Variants in SLC17A5 observed in about 807,000 individuals in gnomAD.
The protein encoded by SLC17A5 is sialin.
In SLC17A5, 47 loss-of-function variants were observed where a neutral mutation model predicts 59.4. The ratio of observed to expected loss-of-function variants is 0.79; its 90% CI spans 0.63 to 1.01. The LOEUF (loss-of-function observed/expected upper bound fraction) is 1.01, where lower values mean the gene tolerates loss of function less well. SLC17A5 is among the 50% of genes least tolerant of loss of function. The pLI is 0.00. For synonymous variants in SLC17A5, 202 were observed against 210.7 expected (o/e 0.96, Z 0.36); for missense variants, 522 against 595.5 (o/e 0.88, Z 1.28).
At chr6:73,605,819 A>C (rs9446936) in intron 9 of SLC17A5, among the ~76,000 whole-genome samples, 3,663 of 151,878 alleles carry the variant, frequency 0.024, 140 homozygotes, top group African/African-American at 0.083. Context: ...CTCTACTAAA[A>C]ATACAAAATT....
intron 1 of SLC17A5, among the ~76,000 whole-genome samples, chr6:73,650,464 C>T (rs1476903552): frequency 4.4e-5 from 6 of 136,324 alleles, no homozygotes; most frequent in African/African-American, 1.1e-4. Flanking sequence ...GCCGAGATAG[C>T]GCGACTGCAG....
At chr6:73,646,565 T>C (rs1769574800) in intron 1 of SLC17A5, among the ~76,000 whole-genome samples, 3 of 152,208 alleles carry the variant, frequency 2.0e-5, no homozygotes, top group Admixed American at 2.0e-4. Context: ...TCTCTATTAC[T>C]AGAATCTAGG....
intron 7 of SLC17A5, among the ~76,000 whole-genome samples, chr6:73,619,101 G>C (rs1418051036): frequency 6.6e-6 from 1 of 152,128 alleles, no homozygotes; most frequent in African/African-American, 2.4e-5. Flanking sequence ...GGAAAGAGAT[G>C]GGGTAGTGGC....
chr6:73,622,266 C>T (rs1407948056), intron 6 of SLC17A5, among the ~76,000 whole-genome samples: 1 of 151,706 alleles, frequency 6.6e-6, no homozygotes, highest in Non-Finnish European at 1.5e-5. Context: ...TCAGAAGTCA[C>T]CTGCAGCATT....
At chr6:73,647,000 C>G (rs139075529) in intron 1 of SLC17A5, among the ~76,000 whole-genome samples, 164 of 152,156 alleles carry the variant, frequency 1.1e-3, no homozygotes, top group Middle Eastern at 3.4e-3. Flanking sequence ...TATCATTGCT[C>G]TGTGTCAGGT....
At position 73,599,742 on chromosome 6, in the gene SLC17A5, G is replaced by A. The variant is rs988541529; in HGVS notation, c.1350+609C>T. Among the ~76,000 whole-genome samples the A allele has an allele frequency of 3.9e-5, 6 of 152,264 alleles. No individual in the cohort carries two copies. In the South Asian group the frequency reaches 8.3e-4, roughly 21 times the overall value. On this transcript the variant is annotated intron_variant, in intron 10 of 10. Coordinates refer to ENST00000355773, the MANE Select transcript of SLC17A5 (RefSeq NM_012434.5). ...AGAAGAAGTAGGAACACTATCTGTC[G>A]GATATATGTCTGAAATCAGTATATT...
At chr6:73,635,188 C>T (rs1349383337) in intron 6 of SLC17A5, 194 bp downstream of exon 6, 1 of 438,964 alleles carries the variant, frequency 2.3e-6, no homozygotes, top group African/African-American at 2.0e-5. Flanking sequence ...CCACCTAGAC[C>T]TCCCCAAAGG....
At chr6:73,639,731 G>T (rs1255866469) in intron 3 of SLC17A5, among the ~76,000 whole-genome samples, 1 of 152,204 alleles carries the variant, frequency 6.6e-6, no homozygotes, top group Admixed American at 6.5e-5. Flanking sequence ...GAGAACCTGA[G>T]TATAAATACA....
At chr6:73,605,973 A>G (rs113010224) in intron 9 of SLC17A5, among the ~76,000 whole-genome samples, 16,334 of 152,106 alleles carry the variant, frequency 0.11, 1,057 homozygotes, top group Middle Eastern at 0.18. Context: ...GTGAAACTCC[A>G]TCTCAAAAAC....
chr6:73,649,590 A>G (rs1276394723), intron 1 of SLC17A5, among the ~76,000 whole-genome samples: 1 of 152,178 alleles, frequency 6.6e-6, no homozygotes, highest in East Asian at 1.9e-4. Flanking sequence ...GGGCAACAGA[A>G]TAAGACTCTT....
chr6:73,647,400 G>A (rs1259336327), intron 1 of SLC17A5, among the ~76,000 whole-genome samples: 5 of 152,338 alleles, frequency 3.3e-5, no homozygotes, highest in East Asian at 1.9e-4. Context: ...GATCTGAGAT[G>A]TTTAAAGGCA....
At chr6:73,619,529 T>TA (rs147348958) in intron 7 of SLC17A5, among the ~76,000 whole-genome samples, 33,159 of 150,784 alleles carry the variant, frequency 0.22, 3,837 homozygotes, top group Non-Finnish European at 0.25. Context: ...CTCTACTATT[T>TA]AAAAAAAACA....
chr6:73,597,969 GA>G (rs767264676), intron 10 of SLC17A5, among the ~76,000 whole-genome samples: 8 of 151,892 alleles, frequency 5.3e-5, no homozygotes, highest in Non-Finnish European at 1.2e-4. Context: ...GCATTTTAAT[GA>G]AAAAAAATCT....
chr6:73,621,782 G>A (rs1768164668), intron 7 of SLC17A5, 22 bp downstream of exon 7: 2 of 1,557,000 alleles, frequency 1.3e-6, no homozygotes, highest in Middle Eastern at 1.7e-4. Flanking sequence ...TATATAAGAA[G>A]CAGATGATTA....
chr6:73,636,802 T>C, intron 4 of SLC17A5, 95 bp from the exon 5 acceptor site: 2 of 887,332 alleles, frequency 2.3e-6, no homozygotes, highest in Non-Finnish European at 3.8e-6. Flanking sequence ...GGTAACAGGC[T>C]GGGCACAGTG....
intron 6 of SLC17A5, among the ~76,000 whole-genome samples, chr6:73,632,200 G>A (rs1156743493): frequency 6.7e-6 from 1 of 148,506 alleles, no homozygotes; most frequent in Non-Finnish European, 1.5e-5. Flanking sequence ...TCGAGAGGCT[G>A]AGGTGGGAAG....
At chr6:73,605,629 A>AC (rs1767355592) in intron 9 of SLC17A5, among the ~76,000 whole-genome samples, 1 of 127,848 alleles carries the variant, frequency 7.8e-6, no homozygotes, top group African/African-American at 3.1e-5. Flanking sequence ...TGCAAGGTTT[A>AC]AACACACACA....
intron 5 of SLC17A5, 139 bp from the exon 6 acceptor site, chr6:73,635,639 G>T: frequency 1.7e-6 from 1 of 577,740 alleles, no homozygotes; most frequent in Non-Finnish European, 3.0e-6. Flanking sequence ...TAAATTCAAT[G>T]TAAAACTGAC....
Position 73,595,231 on chromosome 6 carries a change from A to C in SLC17A5, c.1351-17T>G. The C allele has an allele frequency of 6.2e-7, 1 of 1,613,942 alleles. No homozygotes were observed. The highest frequency in any genetic ancestry group is 1.1e-5 in the South Asian group (1 of 91,064). On this transcript the variant is annotated splice_polypyrimidine_tract_variant and intron_variant, in intron 10 of 10. Coordinates refer to ENST00000355773, the MANE Select transcript of SLC17A5 (RefSeq NM_012434.5). ...AACAGTGTTCTATAAAGGAAGACAA[A>C]AAATGCAAGTGAAATAAAATTTTGT...
Sources: gnomAD v4.1 joint callset for allele counts (sites outside exome capture counted in the v4.1 genomes callset) on GRCh38, gnomAD v4.1.1 for gene constraint, MANE v1.5 for transcripts, NCBI Gene and HGNC (gene_info 2026-07-23, HGNC 2026-07-21) for gene names.